RGL1: variants seen among roughly 807,000 people sequenced by gnomAD.
RGL1 encodes ral guanine nucleotide dissociation stimulator-like 1.
A neutral mutation model predicts 95.2 loss-of-function variants in RGL1; 24 were observed. That is an observed-to-expected ratio of 0.25 (90% CI 0.18 to 0.35). RGL1 has a LOEUF of 0.35. Ranked by LOEUF, RGL1 falls within the 10% of genes least tolerant of loss-of-function variation. RGL1 has a pLI of 1.00. For missense variants in RGL1, 715 were observed against 936.3 expected (o/e 0.76, Z 3.08); for synonymous variants, 329 against 344.9 (o/e 0.95, Z 0.51).
intron 1 of RGL1, among the ~76,000 whole-genome samples, chr1:183,737,465 G>A (rs148612906): frequency 4.0e-4 from 60 of 151,784 alleles, no homozygotes; most frequent in African/African-American, 1.4e-3. Context: ...ATTTTAAAAA[G>A]AAGACTAGGC....
At chr1:183,750,007 C>T (rs971565130) in intron 2 of RGL1, among the ~76,000 whole-genome samples, 1 of 152,142 alleles carries the variant, frequency 6.6e-6, no homozygotes, top group African/African-American at 2.4e-5. Context: ...TTCTTCATTT[C>T]AACCTTGGTG....
rs548847331 is a variant in RGL1, at chr1:183,757,261, G to A, written c.132+14972G>A. On this transcript the variant is annotated intron_variant, in intron 2 of 18. Transcript: ENST00000304685. ...CTTCACATTGTAAAATCACATTCTT[G>A]GAGGAGGAAATAGTAAGTGTTCATC... Among the ~76,000 whole-genome samples, 3 of 152,296 alleles carry A rather than the reference G, an allele frequency of 2.0e-5. No homozygotes were observed. In the South Asian group the frequency reaches 6.2e-4, roughly 32 times the overall value.
intron 3 of RGL1, among the ~76,000 whole-genome samples, chr1:183,850,614 G>A (rs1019488191): frequency 6.6e-6 from 1 of 152,124 alleles, no homozygotes; most frequent in African/African-American, 2.4e-5. Context: ...GCACAGATAG[G>A]AAGTTCTGTA....
In RGL1 at chr1:183,891,188, C is replaced by G. The variant is rs183114096; in HGVS notation, c.1056-889C>G. On this transcript the variant is annotated intron_variant, in intron 8 of 17. Coordinates refer to ENST00000360851, the MANE Select transcript of RGL1 (RefSeq NM_001297671.3). ...AATATTACACTCACTATAAAACAGG[C>G]TCTTAATAATGGTTTTTTTCATAAT... 4.7e-4 allele frequency among the ~76,000 whole-genome samples: 72 copies of G among 152,118 alleles called. 1 individual carries two copies. Among genetic ancestry groups the G allele is most frequent in the African/African-American group, 1.7e-3 (71 of 41,508 alleles).
intron 8 of RGL1, among the ~76,000 whole-genome samples, chr1:183,889,409 C>G (rs2102663388): frequency 6.6e-6 from 1 of 152,206 alleles, no homozygotes; most frequent in Non-Finnish European, 1.5e-5. Flanking sequence ...TGGTCTATAC[C>G]ACATGTGGTA....
At chr1:183,896,405 G>A (rs1667704828) in intron 9 of RGL1, among the ~76,000 whole-genome samples, 1 of 152,196 alleles carries the variant, frequency 6.6e-6, no homozygotes, top group Non-Finnish European at 1.5e-5. Flanking sequence ...TCATTAAATA[G>A]TGGCTCTCTT....
Position 183,884,861 on chromosome 1 carries a change from A to G in RGL1, c.874A>G (p.Ser292Gly). Residue 292 changes from serine to glycine, a missense_variant, in exon 7 of 18, where the codon AGC becomes GGC. Coordinates refer to ENST00000360851, the MANE Select transcript of RGL1 (RefSeq NM_001297671.3). ...TAATACCCTCACCAAATGTGTTGTC[A>G]GCACCATCCTGGGGGGCAAAGAACT... ...QFNTLTKCVV[S>G]TILGGKELKT... 1 of 1,614,158 alleles carries G rather than the reference A, an allele frequency of 6.2e-7. No individual in the cohort carries two copies. The highest frequency in any genetic ancestry group is 8.5e-7 in the Non-Finnish European group (1 of 1,179,998).
intron 1 of RGL1, among the ~76,000 whole-genome samples, chr1:183,669,170 A>G (rs1172603359): frequency 6.6e-6 from 1 of 151,838 alleles, no homozygotes; most frequent in Non-Finnish European, 1.5e-5. Context: ...TCTCAATCTC[A>G]TGACCTCGTG....
intron 3 of RGL1, among the ~76,000 whole-genome samples, chr1:183,859,117 G>A (rs922987662): frequency 6.6e-6 from 1 of 152,162 alleles, no homozygotes; most frequent in Non-Finnish European, 1.5e-5. Flanking sequence ...GTCCGTCATT[G>A]TAGCCTCATC....
intron 2 of RGL1, among the ~76,000 whole-genome samples, chr1:183,846,309 C>T (rs756044422): frequency 2.6e-5 from 4 of 151,742 alleles, no homozygotes; most frequent in Admixed American, 6.6e-5. Flanking sequence ...AACCAAACAC[C>T]GCATGTTCTC....
intron 5 of RGL1, among the ~76,000 whole-genome samples, chr1:183,883,034 G>T (rs544578134): frequency 6.6e-6 from 1 of 152,182 alleles, no homozygotes; most frequent in Non-Finnish European, 1.5e-5. Flanking sequence ...GGAAAGGAAG[G>T]CTGGGGATTT....
intron 13 of RGL1, among the ~76,000 whole-genome samples, chr1:183,905,435 C>A (rs2102710041): frequency 6.6e-6 from 1 of 152,162 alleles, no homozygotes; most frequent in Non-Finnish European, 1.5e-5. Flanking sequence ...TAACTACATT[C>A]CTACAAAACC....
chr1:183,908,569 T>C (rs1351198528), intron 14 of RGL1, among the ~76,000 whole-genome samples: 1 of 152,172 alleles, frequency 6.6e-6, no homozygotes, highest in Non-Finnish European at 1.5e-5. Context: ...TCTTGCTGTC[T>C]TTTCATCTTT....
chr1:183,661,396 A>T (rs892640366), intron 1 of RGL1, among the ~76,000 whole-genome samples: 11 of 152,210 alleles, frequency 7.2e-5, no homozygotes, highest in Non-Finnish European at 1.6e-4. Context: ...ATCCCACAGA[A>T]ATGCAAACTA....
intron 1 of RGL1, among the ~76,000 whole-genome samples, chr1:183,736,482 T>C (rs946203611): frequency 8.5e-5 from 13 of 152,216 alleles, no homozygotes; most frequent in Non-Finnish European, 5.9e-5. Context: ...ACTCAGGTCT[T>C]GTGACTAGAA....
intron 2 of RGL1, among the ~76,000 whole-genome samples, chr1:183,808,658 A>G (rs1298859595): frequency 6.6e-6 from 1 of 152,136 alleles, no homozygotes; most frequent in Non-Finnish European, 1.5e-5. Flanking sequence ...CTTCAAAGTA[A>G]CTAGTTTCAG....
intron 1 of RGL1, among the ~76,000 whole-genome samples, chr1:183,732,912 G>A (rs903968192): frequency 4.6e-5 from 7 of 152,186 alleles, no homozygotes; most frequent in Non-Finnish European, 1.0e-4. Context: ...TTTGAAATTT[G>A]AGAGTAGAAT....
intron 2 of RGL1, among the ~76,000 whole-genome samples, chr1:183,777,186 T>C (rs923465102): frequency 6.6e-5 from 10 of 152,224 alleles, no homozygotes; most frequent in African/African-American, 2.2e-4. Context: ...AGATAGCCTT[T>C]GGGAAGCTAA....
At chr1:183,806,904 G>A (rs1661383874) in intron 2 of RGL1, among the ~76,000 whole-genome samples, 1 of 152,122 alleles carries the variant, frequency 6.6e-6, no homozygotes, top group Non-Finnish European at 1.5e-5. Flanking sequence ...TCTCTAGGAG[G>A]TACCCAGATT....
Sources: gnomAD v4.1 joint callset for allele counts (sites outside exome capture counted in the v4.1 genomes callset) on GRCh38, gnomAD v4.1.1 for gene constraint, MANE v1.5 for transcripts, NCBI Gene and HGNC (gene_info 2026-07-23, HGNC 2026-07-21) for gene names.